MYBPC1: variants seen among roughly 807,000 people sequenced by gnomAD.
MYBPC1 encodes the protein myosin-binding protein C, slow-type.
In MYBPC1, 52 loss-of-function variants were observed where a neutral mutation model predicts 147.1. The ratio of observed to expected loss-of-function variants is 0.35; its 90% CI spans 0.28 to 0.45. MYBPC1 has a LOEUF of 0.45. Ranked by LOEUF, MYBPC1 falls within the 20% of genes least tolerant of loss-of-function variation. The pLI is 1.00. For synonymous variants in MYBPC1, 477 were observed against 475.9 expected, an observed-to-expected ratio of 1.00 and a Z score of -0.03; for missense variants, 1,228 against 1,440.3, an observed-to-expected ratio of 0.85 and a Z score of 2.39.
intron 23 of MYBPC1, 149 bp from the exon 24 acceptor site, chr12:101,670,172 A>T: frequency 1.4e-6 from 1 of 739,514 alleles, no homozygotes; most frequent in Non-Finnish European, 2.5e-6. Context: ...ACCAGTTACT[A>T]TATATCGTCT....
At chr12:101,631,446 C>A (rs985122945) in intron 6 of MYBPC1, 125 bp from the exon 7 acceptor site, 5 of 1,131,786 alleles carry the variant, frequency 4.4e-6, no homozygotes, top group African/African-American at 1.5e-5. Flanking sequence ...GAATTCATTT[C>A]ACAATTCCGA....
intron 25 of MYBPC1, among the ~76,000 whole-genome samples, chr12:101,674,862 CAAAAAAAAAAAAAA>C (rs62824364): frequency 1.7e-5 from 1 of 59,866 alleles, no homozygotes; most frequent in Non-Finnish European, 2.9e-5. Flanking sequence ...ACTCTGTCTC[CAAAAAAAAAAAAAA>C]AAAAAAAAGG....
At chr12:101,596,542 GA>G (rs1877325734) in intron 1 of MYBPC1, among the ~76,000 whole-genome samples, 1 of 152,114 alleles carries the variant, frequency 6.6e-6, no homozygotes, top group African/African-American at 2.4e-5. Flanking sequence ...TTTAGTGAAT[GA>G]TTTTGCATTT....
intron 22 of MYBPC1, 84 bp from the exon 23 acceptor site, chr12:101,667,648 T>C: frequency 2.0e-6 from 3 of 1,485,984 alleles, no homozygotes; most frequent in Non-Finnish European, 2.8e-6. Flanking sequence ...AAAATACTAA[T>C]TTGGAGTTGA....
Position 101,675,329 on chromosome 12 carries a change from T to A in MYBPC1, c.2847T>A (p.Asp949Glu). The change falls in exon 26 of 32, where the codon GAT becomes GAA. Residue 949 changes from aspartate (D) to glutamate (E), a missense_variant. By Grantham distance (45) the Asp-to-Glu change is conservative. This residue lies in a region of MYBPC1 where 1,077 missense variants were observed against 1,314.2 expected (regional missense o/e 0.82). Coordinates refer to ENST00000361466, the MANE Select transcript of MYBPC1 (RefSeq NM_002465.4). ...CACCCCAAATTGTGAAGATTGAGGATGTCTGGGGAGAAAATGTCGCTCTCA... is the reference window on the plus strand; with the variant it reads ...CACCCCAAATTGTGAAGATTGAGGAAGTCTGGGGAGAAAATGTCGCTCTCA... ...PGPPQIVKIE[D>E]VWGENVALTW... The A allele has an allele frequency of 6.2e-7, 1 of 1,614,024 alleles. No homozygotes were observed. The highest frequency in any genetic ancestry group is 8.5e-7 in the Non-Finnish European group (1 of 1,179,956).
At chr12:101,678,052 C>A in intron 27 of MYBPC1, 50 bp from the exon 28 acceptor site, 1 of 1,585,820 alleles carries the variant, frequency 6.3e-7, no homozygotes, top group Non-Finnish European at 8.7e-7. Context: ...ATAATATATT[C>A]TCAGGCCAAT....
intron 1 of MYBPC1, among the ~76,000 whole-genome samples, chr12:101,612,934 A>G (rs1884794858): frequency 6.6e-6 from 1 of 152,252 alleles, no homozygotes; most frequent in African/African-American, 2.4e-5. Context: ...ATTTCTGACA[A>G]TGCCATCCAA....
chr12:101,622,726 C>G (rs1887708894), intron 3 of MYBPC1, among the ~76,000 whole-genome samples: 1 of 151,722 alleles, frequency 6.6e-6, no homozygotes, highest in Admixed American at 6.6e-5. Flanking sequence ...CAGAGTGAGA[C>G]TCTGTCTAAA....
At chr12:101,640,034 A>G (rs1445739482) in intron 10 of MYBPC1, among the ~76,000 whole-genome samples, 1 of 152,106 alleles carries the variant, frequency 6.6e-6, no homozygotes, top group Non-Finnish European at 1.5e-5. Flanking sequence ...TTTTTCTTTG[A>G]GACAGGGCCT....
chr12:101,658,680 A>G (rs1196010179), intron 18 of MYBPC1, among the ~76,000 whole-genome samples: 1 of 152,204 alleles, frequency 6.6e-6, no homozygotes, highest in Non-Finnish European at 1.5e-5. Context: ...GAGGGAGAAA[A>G]ATAAAAAATA....
intron 4 of MYBPC1, among the ~76,000 whole-genome samples, chr12:101,627,466 C>A (rs1360928710): frequency 2.0e-5 from 3 of 152,168 alleles, no homozygotes; most frequent in Non-Finnish European, 4.4e-5. Flanking sequence ...TGGTCTCGAA[C>A]ACCTGACCTC....
chr12:101,640,236 T>A (rs927204517), intron 10 of MYBPC1, among the ~76,000 whole-genome samples: 1 of 152,150 alleles, frequency 6.6e-6, no homozygotes, highest in Admixed American at 6.5e-5. Context: ...GGTCTCGAAC[T>A]CCTGAGCCCA....
At chr12:101,597,336 G>A (rs1397072651) in intron 1 of MYBPC1, among the ~76,000 whole-genome samples, 5 of 152,158 alleles carry the variant, frequency 3.3e-5, no homozygotes, top group Non-Finnish European at 7.3e-5. Context: ...GTAAAGCCAT[G>A]CCCAGGAAGG....
At position 101,638,891 on chromosome 12, in the gene MYBPC1, A is replaced by G. The variant is rs146683901; in HGVS notation, c.665+2163A>G. ...CTATGTTATGTTCATTTAGTATACT[A>G]TACTAATCCACTAATATAACTTTAG... On this transcript the variant is annotated intron_variant, in intron 10 of 31. Coordinates refer to ENST00000361466, the MANE Select transcript of MYBPC1 (RefSeq NM_002465.4). Among the ~76,000 whole-genome samples, 322 of 152,236 alleles carry G rather than the reference A, an allele frequency of 2.1e-3. 5 individuals are homozygous for G. Among genetic ancestry groups the G allele is most frequent in the South Asian group, 7.1e-3 (34 of 4,822 alleles).
At chr12:101,643,067 G>T (rs1892390609) in intron 11 of MYBPC1, among the ~76,000 whole-genome samples, 1 of 151,762 alleles carries the variant, frequency 6.6e-6, no homozygotes, top group Non-Finnish European at 1.5e-5. Flanking sequence ...TTTTAAAGTG[G>T]AAAGAAAAAA....
intron 10 of MYBPC1, among the ~76,000 whole-genome samples, chr12:101,639,139 G>T (rs10860758): frequency 0.3 from 45,114 of 152,042 alleles, 7,091 homozygotes; most frequent in Middle Eastern, 0.42. Flanking sequence ...CTTTTGGGCA[G>T]CATCCTGTTA....
intron 10 of MYBPC1, among the ~76,000 whole-genome samples, chr12:101,639,686 T>C (rs991136206): frequency 7.9e-5 from 12 of 152,204 alleles, no homozygotes; most frequent in Non-Finnish European, 1.5e-4. Context: ...CTCAAAATTA[T>C]CATCTTTATT....
intron 3 of MYBPC1, 144 bp downstream of exon 3, chr12:101,617,387 C>T (rs1046225840): frequency 1.2e-6 from 1 of 821,612 alleles, no homozygotes; most frequent in Non-Finnish European, 2.0e-6. Context: ...AAGTCCCAAT[C>T]AGTATAATGA....
At chr12:101,682,064 T>C (rs1398441121) in intron 29 of MYBPC1, among the ~76,000 whole-genome samples, 1 of 152,152 alleles carries the variant, frequency 6.6e-6, no homozygotes, top group Non-Finnish European at 1.5e-5. Context: ...CCCTTACAAA[T>C]TTAAACATTT....
Sources: allele counts gnomAD v4.1 joint callset (sites outside exome capture counted in the v4.1 genomes callset), GRCh38; gene constraint gnomAD v4.1.1; regional missense constraint gnomAD v4.1.1; transcripts MANE v1.5; gene names NCBI Gene and HGNC (gene_info 2026-07-23, HGNC 2026-07-21).